The following ASXL2 variants were observed in gnomAD, a reference collection of about 807,000 sequenced individuals.
ASXL2 encodes the protein putative Polycomb group protein ASXL2.
ASXL2 carries 23 observed loss-of-function variants against 122.0 expected under a neutral mutation model. The observed-to-expected ratio is 0.19, with a 90% CI of 0.14 to 0.27. ASXL2 has a LOEUF of 0.27. Ranked by LOEUF, ASXL2 falls within the 10% of genes least tolerant of loss-of-function variation. The pLI, the probability that ASXL2 is intolerant of heterozygous loss-of-function variation, is 1.00. For missense variants in ASXL2, 1,518 were observed against 1,713.8 expected (o/e 0.89, Z 2.02); for synonymous variants, 650 against 637.0 (o/e 1.02, Z -0.31).
At chr2:25,795,043 A>C (rs2149169112) in intron 5 of ASXL2, among the ~76,000 whole-genome samples, 1 of 152,324 alleles carries the variant, frequency 6.6e-6, no homozygotes, top group East Asian at 1.9e-4. Context: ...TGAGAGACTA[A>C]ATCATTCTTC....
chr2:25,782,992 G>A (rs1277095306), intron 5 of ASXL2, among the ~76,000 whole-genome samples: 2 of 152,064 alleles, frequency 1.3e-5, no homozygotes, highest in Non-Finnish European at 2.9e-5. Context: ...AGCCGGGCAT[G>A]GTGGTGCACA....
At chr2:25,779,845 A>G (rs1395538445) in intron 5 of ASXL2, among the ~76,000 whole-genome samples, 1 of 152,162 alleles carries the variant, frequency 6.6e-6, no homozygotes, top group African/African-American at 2.4e-5. Flanking sequence ...TTTTGTGAAA[A>G]TACAACAGTA....
At position 25,751,138 on chromosome 2, in the gene ASXL2, T is replaced by C. The variant is rs2088037338; in HGVS notation, c.1143-725A>G. 1.3e-5 allele frequency among the ~76,000 whole-genome samples: 2 copies of C among 152,374 alleles called. 1 individual carries two copies. The highest frequency in any genetic ancestry group is 1.3e-4 in the Admixed American group (2 of 15,302). On this transcript the variant is annotated intron_variant, in intron 11 of 12. Coordinates refer to ENST00000435504, the MANE Select transcript of ASXL2 (RefSeq NM_018263.6). ...AATCTGTAAAGGTCATTAGTGACTC[T>C]TCTTAATGTTTTAGAATACTGTACA...
At chr2:25,822,552 A>G in intron 3 of ASXL2, 1 of 494,436 alleles carries the variant, frequency 2.0e-6, no homozygotes, top group South Asian at 1.8e-5. Context: ...ATGTTCATGT[A>G]AATTTTGAAA....
intron 1 of ASXL2, among the ~76,000 whole-genome samples, chr2:25,847,637 T>C (rs765913925): frequency 1.3e-5 from 2 of 152,220 alleles, no homozygotes. Context: ...ATTGTTTATA[T>C]ACTAAAAATG....
At chr2:25,848,724 A>G (rs2089680047) in intron 1 of ASXL2, among the ~76,000 whole-genome samples, 1 of 151,912 alleles carries the variant, frequency 6.6e-6, no homozygotes, top group African/African-American at 2.4e-5. Flanking sequence ...CTGTACTTTA[A>G]TCAAACACAG....
chr2:25,815,422 A>G (rs1168868558), intron 3 of ASXL2, among the ~76,000 whole-genome samples: 1 of 151,734 alleles, frequency 6.6e-6, no homozygotes, highest in Admixed American at 6.6e-5. Flanking sequence ...CTCCAATTCA[A>G]CTTTTCAGAT....
Position 25,768,775 on chromosome 2 carries a change from T to C in ASXL2, c.598A>G (p.Lys200Glu). The change falls in exon 7 of 13, where the codon AAA (lysine) becomes GAA (glutamate). Residue 200 changes from lysine to glutamate, a missense_variant. By Grantham distance (56) the Lys-to-Glu change is moderately conservative. This residue lies in a region of ASXL2 where 198 missense variants were observed against 209.0 expected (regional missense o/e 0.95). Coordinates refer to ENST00000435504, the MANE Select transcript of ASXL2 (RefSeq NM_018263.6). ...GCAGGTACAGAGTCACTGGCTGCTT[T>C]GACAGTCTTTAGTGAGAGATGCTGG... ...SNQHLSLKTV[K>E]AASDSVPAKP... 6.2e-7 allele frequency: 1 copy of C among 1,613,866 alleles called. No individual in the cohort carries two copies. The highest frequency in any genetic ancestry group is 1.1e-5 in the South Asian group (1 of 91,066).
intron 3 of ASXL2, chr2:25,822,781 A>G: frequency 1.7e-6 from 1 of 580,200 alleles, no homozygotes; most frequent in Admixed American, 1.9e-5. Context: ...GACTTCAGTA[A>G]TTGGAAACAC....
At chr2:25,870,802 T>C (rs1159984134) in intron 1 of ASXL2, among the ~76,000 whole-genome samples, 2 of 152,228 alleles carry the variant, frequency 1.3e-5, no homozygotes, top group African/African-American at 4.8e-5. Context: ...CCTGTTTGTA[T>C]ATACGAGGTA....
rs941039863 is a variant in ASXL2, at chr2:25,741,318, C to T, written c.*711G>A. ...CAGGGCAGGGGGTGGGATTAGGGAA[C>T]AGCAGGGATCCACAAATTCCAAGCA... On this transcript the variant is annotated 3_prime_UTR_variant, in exon 13 of 13. Coordinates refer to ENST00000435504, the MANE Select transcript of ASXL2 (RefSeq NM_018263.6). 9.0e-6 allele frequency: 2 copies of T among 221,926 alleles called. No individual in the cohort carries two copies. The highest frequency in any genetic ancestry group is 2.2e-5 in the African/African-American group (1 of 44,700). The allele number at this position is 221,926 out of a possible 1,614,324, so 13.7% of individuals were successfully genotyped here.
chr2:25,789,162 T>C (rs771616312), intron 5 of ASXL2, among the ~76,000 whole-genome samples: 1 of 152,070 alleles, frequency 6.6e-6, no homozygotes, highest in African/African-American at 2.4e-5. Flanking sequence ...TTAAAAAATA[T>C]ATTACTGCAT....
At chr2:25,803,373 T>C (rs954828566) in intron 4 of ASXL2, among the ~76,000 whole-genome samples, 1 of 152,150 alleles carries the variant, frequency 6.6e-6, no homozygotes, top group African/African-American at 2.4e-5. Flanking sequence ...AGCAAATTAA[T>C]CAAACCCAAG....
At chr2:25,793,817 T>G (rs938777900) in intron 5 of ASXL2, among the ~76,000 whole-genome samples, 1 of 152,166 alleles carries the variant, frequency 6.6e-6, no homozygotes, top group Non-Finnish European at 1.5e-5. Context: ...GTTTCCTGAT[T>G]ATATTCAGAG....
intron 3 of ASXL2, among the ~76,000 whole-genome samples, chr2:25,820,451 G>A (rs2089295285): frequency 1.3e-5 from 2 of 152,130 alleles, no homozygotes; most frequent in African/African-American, 4.8e-5. Context: ...CAACAATTTG[G>A]ACCAATGAAA....
At chr2:25,758,537 G>T (rs1258190756) in intron 9 of ASXL2, among the ~76,000 whole-genome samples, 1 of 152,086 alleles carries the variant, frequency 6.6e-6, no homozygotes. Flanking sequence ...ATCAGAAGGG[G>T]GAGTGACTGG....
intron 1 of ASXL2, among the ~76,000 whole-genome samples, chr2:25,848,569 G>A (rs962113348): frequency 2.0e-5 from 3 of 151,970 alleles, no homozygotes; most frequent in South Asian, 2.1e-4. Context: ...CTTGCAGTGA[G>A]CCGAGATTGG....
chr2:25,766,855 G>A (rs2088362397), intron 8 of ASXL2, among the ~76,000 whole-genome samples: 1 of 152,042 alleles, frequency 6.6e-6, no homozygotes, highest in Non-Finnish European at 1.5e-5. Context: ...GTCTCCTGCT[G>A]GGGTAAGGCA....
rs1467778486 is a variant in ASXL2 at position 25,739,020 on chromosome 2, T to A, written c.*3009A>T. The A allele has an allele frequency of 2.0e-5, 3 of 152,198 alleles. No individual in the cohort carries two copies. The highest frequency in any genetic ancestry group is 4.4e-5 in the Non-Finnish European group (3 of 68,018). The allele number at this position is 152,198 out of a possible 1,614,324, so 9.4% of individuals were successfully genotyped here. ...CTAATTCTCCAAAATTATTTAAGAT[T>A]CAGGGAGACTTATTTACTAGACAAC... is the stretch of plus-strand genomic sequence containing the variant. On this transcript the variant is annotated 3_prime_UTR_variant, in exon 13 of 13. Transcript: ENST00000435504.
Sources: allele counts gnomAD v4.1 joint callset (sites outside exome capture counted in the v4.1 genomes callset), GRCh38; gene constraint gnomAD v4.1.1; regional missense constraint gnomAD v4.1.1; transcripts MANE v1.5; gene names NCBI Gene and HGNC (gene_info 2026-07-23, HGNC 2026-07-21).